DPYD: variants seen among roughly 807,000 people sequenced by gnomAD.
The protein encoded by DPYD is dihydropyrimidine dehydrogenase [NADP(+)].
Under a neutral mutation model 116.2 loss-of-function variants are expected in DPYD, and 109 were observed. That is an observed-to-expected ratio of 0.94 (90% confidence interval 0.80 to 1.10). The LOEUF is 1.10. Ranked by LOEUF, DPYD falls within the 50% of genes least tolerant of loss-of-function variation. The pLI, the probability that DPYD is intolerant of heterozygous loss-of-function variation, is 0.00. For missense variants in DPYD, 1,302 were observed against 1,254.5 expected (o/e 1.04, Z -0.57); for synonymous variants, 440 against 432.0 (o/e 1.02, Z -0.23).
chr1:97,363,572 G>T (rs991713449), intron 16 of DPYD, among the ~76,000 whole-genome samples: 5 of 152,086 alleles, frequency 3.3e-5, no homozygotes, highest in Non-Finnish European at 7.4e-5. Flanking sequence ...TCAATGATAG[G>T]CTGGATTAAG....
At chr1:97,651,238 C>T (rs1275748973) in intron 8 of DPYD, among the ~76,000 whole-genome samples, 4 of 151,970 alleles carry the variant, frequency 2.6e-5, no homozygotes, top group Non-Finnish European at 5.9e-5. Context: ...GCAAGAATTC[C>T]AACTGAGGCG....
chr1:97,086,397 T>A (rs1006401730), intron 21 of DPYD, among the ~76,000 whole-genome samples: 7 of 151,562 alleles, frequency 4.6e-5, no homozygotes, highest in African/African-American at 1.7e-4. Flanking sequence ...TTCTGTTTGA[T>A]ATAAAGTTTA....
intron 20 of DPYD, among the ~76,000 whole-genome samples, chr1:97,120,916 G>A (rs758117316): frequency 3.3e-5 from 5 of 152,168 alleles, no homozygotes; most frequent in Non-Finnish European, 7.4e-5. Context: ...TATTAATGGT[G>A]ATGCCTGAGC....
At chr1:97,670,320 C>G (rs948771514) in intron 8 of DPYD, among the ~76,000 whole-genome samples, 5 of 152,144 alleles carry the variant, frequency 3.3e-5, no homozygotes, top group East Asian at 1.9e-4. Flanking sequence ...AAGCCCTAAT[C>G]TCAAACATGA....
chr1:97,186,828 A>G (rs946372953), intron 20 of DPYD, among the ~76,000 whole-genome samples: 1 of 152,214 alleles, frequency 6.6e-6, no homozygotes, highest in Non-Finnish European at 1.5e-5. Flanking sequence ...AGCCTGGGTG[A>G]CAGAGCAAGA....
At chr1:97,712,986 T>C (rs531099209) in intron 5 of DPYD, among the ~76,000 whole-genome samples, 1 of 152,216 alleles carries the variant, frequency 6.6e-6, no homozygotes, top group East Asian at 1.9e-4. Context: ...GAGAATAACC[T>C]AGTCCCCATG....
intron 2 of DPYD, among the ~76,000 whole-genome samples, chr1:97,832,778 T>C (rs1421691425): frequency 6.6e-6 from 1 of 152,176 alleles, no homozygotes; most frequent in Non-Finnish European, 1.5e-5. Flanking sequence ...TTTCATAGTG[T>C]TTTATATCTC....
At chr1:97,834,332 C>A (rs908900792) in intron 2 of DPYD, among the ~76,000 whole-genome samples, 4 of 151,454 alleles carry the variant, frequency 2.6e-5, no homozygotes, top group African/African-American at 9.7e-5. Context: ...GTATGCTAAT[C>A]ATTGAGACAC....
At chr1:97,883,948 G>A in intron 1 of DPYD, 1 of 405,004 alleles carries the variant, frequency 2.5e-6, no homozygotes. Flanking sequence ...AGTTCAGTAT[G>A]GGAAAATCCT....
chr1:97,484,635 G>A (rs1313276698), intron 13 of DPYD, among the ~76,000 whole-genome samples: 1 of 152,124 alleles, frequency 6.6e-6, no homozygotes, highest in Non-Finnish European at 1.5e-5. Flanking sequence ...AAGGTATGGA[G>A]CTATTAGTCA....
At chr1:97,903,154 T>C (rs895107716) in intron 1 of DPYD, among the ~76,000 whole-genome samples, 2 of 151,904 alleles carry the variant, frequency 1.3e-5, no homozygotes, top group Admixed American at 1.3e-4. Flanking sequence ...CTTGTTAAGA[T>C]TTAAGTAAGA....
intron 13 of DPYD, among the ~76,000 whole-genome samples, chr1:97,505,470 TAAA>T (rs1307760449): frequency 6.6e-6 from 1 of 151,284 alleles, no homozygotes; most frequent in Non-Finnish European, 1.5e-5. Context: ...ATATTGAAAA[TAAA>T]AAATTATTAA....
chr1:97,376,865 TTGTG>T (rs66598688), intron 15 of DPYD, among the ~76,000 whole-genome samples: 10 of 134,658 alleles, frequency 7.4e-5, no homozygotes, highest in Non-Finnish European at 4.8e-5. Context: ...AAGAGAGAGT[TTGTG>T]TGTGTGTGTG....
intron 20 of DPYD, among the ~76,000 whole-genome samples, chr1:97,140,098 G>C (rs1215618510): frequency 6.6e-6 from 1 of 151,636 alleles, no homozygotes; most frequent in Non-Finnish European, 1.5e-5. Flanking sequence ...CTTGCTGACT[G>C]TAGTGATACC....
At chr1:97,685,405 T>C (rs937546706) in intron 7 of DPYD, among the ~76,000 whole-genome samples, 7 of 152,166 alleles carry the variant, frequency 4.6e-5, no homozygotes, top group Non-Finnish European at 7.4e-5. Context: ...GGGCAAAAGC[T>C]GGAAGCATTC....
rs186718540 is a variant in DPYD at position 97,559,703 on chromosome 1, T to C, written c.1340-9959A>G. ...TTCAATGCAAACTTAAAACACACAGTAGAATTTTGTTTAAACAATTTTAGT... is the reference window on the plus strand; with the variant it reads ...TTCAATGCAAACTTAAAACACACAGCAGAATTTTGTTTAAACAATTTTAGT... On this transcript the variant is annotated intron_variant, in intron 11 of 22. Transcript: ENST00000370192. Among the ~76,000 whole-genome samples the C allele has an allele frequency of 5.3e-5, 8 of 152,184 alleles. No individual in the cohort carries two copies. In the East Asian group the frequency reaches 1.2e-3, roughly 22 times the overall value.
chr1:97,566,314 C>T (rs980943847), intron 11 of DPYD, among the ~76,000 whole-genome samples: 12 of 152,110 alleles, frequency 7.9e-5, no homozygotes, highest in African/African-American at 2.9e-4. Flanking sequence ...CACTAGCCAC[C>T]ATACGTTATT....
intron 13 of DPYD, among the ~76,000 whole-genome samples, chr1:97,473,754 C>T (rs945836585): frequency 7.2e-5 from 11 of 152,098 alleles, no homozygotes; most frequent in Non-Finnish European, 1.2e-4. Flanking sequence ...CACTTGTAAT[C>T]CCAACAATTT....
intron 1 of DPYD, among the ~76,000 whole-genome samples, chr1:97,913,828 A>T (rs1674084129): frequency 6.6e-6 from 1 of 151,688 alleles, no homozygotes; most frequent in African/African-American, 2.4e-5. Flanking sequence ...CAGCAGAGAG[A>T]GGTGAGGAAT....
Sources: allele counts gnomAD v4.1 joint callset (sites outside exome capture counted in the v4.1 genomes callset), GRCh38; gene constraint gnomAD v4.1.1; transcripts MANE v1.5; gene names NCBI Gene and HGNC (gene_info 2026-07-23, HGNC 2026-07-21).